CNTNAP2: variants seen among roughly 807,000 people sequenced by gnomAD.
CNTNAP2 encodes the protein contactin-associated protein-like 2.
A neutral mutation model predicts 155.2 loss-of-function variants in CNTNAP2; 98 were observed. That is an observed-to-expected ratio of 0.63 (90% CI 0.54 to 0.75). The LOEUF (loss-of-function observed/expected upper bound fraction) is 0.75, where lower values mean the gene tolerates loss of function less well. Ranked by LOEUF, CNTNAP2 falls within the 30% of genes least tolerant of loss-of-function variation. The pLI, the probability that CNTNAP2 is intolerant of heterozygous loss-of-function variation, is 0.00. For missense variants in CNTNAP2, 1,727 were observed against 1,688.1 expected (o/e 1.02, Z -0.40); for synonymous variants, 651 against 631.2 (o/e 1.03, Z -0.47).
At chr7:147,528,239 A>G (rs1799361517) in intron 11 of CNTNAP2, among the ~76,000 whole-genome samples, 1 of 152,208 alleles carries the variant, frequency 6.6e-6, no homozygotes, top group Non-Finnish European at 1.5e-5. Context: ...TTTAGGGGAG[A>G]AAAATACATG....
intron 13 of CNTNAP2, among the ~76,000 whole-genome samples, chr7:147,736,837 G>A (rs978610008): frequency 5.3e-4 from 80 of 152,194 alleles, no homozygotes; most frequent in African/African-American, 1.7e-3. Flanking sequence ...TTGTGCATTC[G>A]TCACGTAGTT....
chr7:148,179,665 AAG>A (rs1161805552), intron 18 of CNTNAP2, among the ~76,000 whole-genome samples: 2 of 150,878 alleles, frequency 1.3e-5, no homozygotes, highest in Admixed American at 6.6e-5. Context: ...GAGAGAGAAC[AAG>A]AGAGAGAAGA....
chr7:147,461,175 T>A (rs1443740962), intron 10 of CNTNAP2, among the ~76,000 whole-genome samples: 3 of 152,094 alleles, frequency 2.0e-5, no homozygotes, highest in Non-Finnish European at 4.4e-5. Context: ...ACAAAAACAA[T>A]AGACACTAAC....
intron 8 of CNTNAP2, among the ~76,000 whole-genome samples, chr7:147,286,889 C>T (rs1199788825): frequency 1.3e-5 from 2 of 152,160 alleles, no homozygotes; most frequent in South Asian, 2.1e-4. Context: ...CTCAGATGCA[C>T]TTATAAGAGT....
chr7:146,688,660 G>A (rs2131934), intron 1 of CNTNAP2, among the ~76,000 whole-genome samples: 7,493 of 152,070 alleles, frequency 0.049, 671 homozygotes, highest in African/African-American at 0.17. Flanking sequence ...ACAGGAACTG[G>A]CTATTTTTCA....
intron 14 of CNTNAP2, among the ~76,000 whole-genome samples, chr7:147,939,502 T>C (rs1360195302): frequency 6.6e-6 from 1 of 152,068 alleles, no homozygotes; most frequent in African/African-American, 2.4e-5. Context: ...CTAATTTTTG[T>C]ATTTTTAGTA....
intron 1 of CNTNAP2, among the ~76,000 whole-genome samples, chr7:146,553,628 C>T (rs1023747044): frequency 4.6e-5 from 7 of 151,948 alleles, no homozygotes; most frequent in African/African-American, 1.5e-4. Context: ...GTTGGACTAA[C>T]AATTTCATTT....
chr7:146,876,728 A>T (rs1249611014), intron 3 of CNTNAP2, among the ~76,000 whole-genome samples: 1 of 152,110 alleles, frequency 6.6e-6, no homozygotes, highest in Non-Finnish European at 1.5e-5. Flanking sequence ...AATAATGTGT[A>T]TTGTTGATTA....
intron 19 of CNTNAP2, among the ~76,000 whole-genome samples, chr7:148,225,762 A>T (rs111956290): frequency 6.6e-6 from 1 of 152,178 alleles, no homozygotes; most frequent in South Asian, 2.1e-4. Context: ...ACAAGTGGTA[A>T]GATTCAGGGC....
At chr7:146,510,897 T>C (rs1278132618) in intron 1 of CNTNAP2, among the ~76,000 whole-genome samples, 3 of 152,124 alleles carry the variant, frequency 2.0e-5, no homozygotes, top group East Asian at 3.9e-4. Context: ...TTTAGGTTTT[T>C]CTTTTTTCTT....
At chr7:147,265,418 G>C (rs1156482912) in intron 8 of CNTNAP2, among the ~76,000 whole-genome samples, 1 of 152,124 alleles carries the variant, frequency 6.6e-6, no homozygotes, top group African/African-American at 2.4e-5. Flanking sequence ...CTTTAGGACA[G>C]ACTCTGACCC....
intron 3 of CNTNAP2, among the ~76,000 whole-genome samples, chr7:146,869,411 G>C (rs952455668): frequency 6.6e-6 from 1 of 152,102 alleles, no homozygotes; most frequent in Non-Finnish European, 1.5e-5. Flanking sequence ...TGTGCTGCTG[G>C]TCTCAGTTTT....
At position 147,067,061 on chromosome 7, in the gene CNTNAP2, G is replaced by A. The variant is rs372287229; in HGVS notation, c.550+23007G>A. On this transcript the variant is annotated intron_variant, in intron 4 of 23. Coordinates refer to ENST00000361727, the MANE Select transcript of CNTNAP2 (RefSeq NM_014141.6). ...TAATCCCAGCACTTTGGGAGGCTGA[G>A]GTGGGTGGATCACGAGGTCAAGAGA... 1.5e-3 allele frequency among the ~76,000 whole-genome samples: 233 copies of A among 152,250 alleles called. 2 individuals carry two copies. The highest frequency in any genetic ancestry group is 5.3e-3 in the African/African-American group (222 of 41,566).
intron 1 of CNTNAP2, among the ~76,000 whole-genome samples, chr7:146,649,148 A>G (rs925014929): frequency 6.6e-6 from 1 of 152,128 alleles, no homozygotes; most frequent in Non-Finnish European, 1.5e-5. Flanking sequence ...TTAGATAATC[A>G]TTTGTAACTT....
intron 3 of CNTNAP2, among the ~76,000 whole-genome samples, chr7:146,901,890 T>C (rs1027715656): frequency 6.9e-6 from 1 of 145,790 alleles, no homozygotes; most frequent in Non-Finnish European, 1.5e-5. Flanking sequence ...TTTTTTTTTT[T>C]TTTGAGACGG....
At chr7:147,954,640 T>G (rs1800989303) in intron 14 of CNTNAP2, among the ~76,000 whole-genome samples, 1 of 152,196 alleles carries the variant, frequency 6.6e-6, no homozygotes, top group Non-Finnish European at 1.5e-5. Flanking sequence ...ATAATTGCTA[T>G]TTGAATGCTA....
At chr7:146,264,170 G>T (rs77831464) in intron 1 of CNTNAP2, among the ~76,000 whole-genome samples, 4 of 152,142 alleles carry the variant, frequency 2.6e-5, no homozygotes, top group African/African-American at 9.7e-5. Flanking sequence ...CAGGCCAGGA[G>T]GGGTGGCTCA....
At chr7:146,496,319 A>G (rs1002915243) in intron 1 of CNTNAP2, among the ~76,000 whole-genome samples, 1 of 152,214 alleles carries the variant, frequency 6.6e-6, no homozygotes, top group Non-Finnish European at 1.5e-5. Flanking sequence ...AGTTAGAAAC[A>G]TAAGAAGCCC....
intron 16 of CNTNAP2, among the ~76,000 whole-genome samples, chr7:148,146,719 GTAGGTCACCCTCATTACACCAACAA>G (rs1376985786): frequency 1.1e-4 from 16 of 152,258 alleles, no homozygotes; most frequent in African/African-American, 3.4e-4. Context: ...GTCATAAAAT[GTAGGTCACCCTCATTACACCAACAA>G]TAGGTCACCC....
Sources: gnomAD v4.1 joint callset for allele counts (sites outside exome capture counted in the v4.1 genomes callset) on GRCh38, gnomAD v4.1.1 for gene constraint, MANE v1.5 for transcripts, NCBI Gene and HGNC (gene_info 2026-07-23, HGNC 2026-07-21) for gene names.